Variants in HFM1 observed in about 807,000 individuals in gnomAD.
HFM1 encodes helicase for meiosis 1.
Under a neutral mutation model 192.1 loss-of-function variants are expected in HFM1, and 169 were observed. The ratio of observed to expected loss-of-function variants is 0.88; its 90% CI spans 0.78 to 1.00. HFM1 has a LOEUF of 1.00. HFM1 is among the 50% of genes least tolerant of loss of function. The pLI is 0.00. For missense variants in HFM1, 1,661 were observed against 1,668.0 expected (o/e 1.00, Z 0.07); for synonymous variants, 525 against 537.8 (o/e 0.98, Z 0.33).
At chr1:91,281,630 A>C (rs1325017501) in intron 30 of HFM1, among the ~76,000 whole-genome samples, 1 of 152,188 alleles carries the variant, frequency 6.6e-6, no homozygotes, top group Non-Finnish European at 1.5e-5. Context: ...TGAATCTTTG[A>C]ATGTATTAAG....
chr1:91,297,978 T>C (rs1350129645), intron 30 of HFM1, among the ~76,000 whole-genome samples: 1 of 151,902 alleles, frequency 6.6e-6, no homozygotes, highest in Admixed American at 6.6e-5. Flanking sequence ...CTTCAGATGA[T>C]CCAACTACTC....
chr1:91,372,676 T>A (rs1660387897), intron 13 of HFM1, among the ~76,000 whole-genome samples: 2 of 152,136 alleles, frequency 1.3e-5, no homozygotes. Flanking sequence ...ACACCACATG[T>A]ATACATATGT....
chr1:91,365,514 G>A (rs1223619857), intron 13 of HFM1, among the ~76,000 whole-genome samples: 1 of 152,080 alleles, frequency 6.6e-6, no homozygotes, highest in Non-Finnish European at 1.5e-5. Context: ...AAAACTAGGT[G>A]AAAAGACAAG....
rs773897910 is a variant in HFM1 at position 91,401,021 on chromosome 1, T to C, written c.62A>G (p.Glu21Gly). 5.9e-6 allele frequency: 9 copies of C among 1,514,790 alleles called. No individual in the cohort carries two copies. The highest frequency in any genetic ancestry group is 1.7e-4 in the Middle Eastern group (1 of 5,794). The allele number at this position is 1,514,790 out of a possible 1,614,324, so 93.8% of individuals were successfully genotyped here. A position where few individuals can be genotyped will look rare whatever the true frequency, so the allele number is the denominator to read the frequency against. ...LENLFFEKPD[E>G]VENHPDNEKS... ...TTTAAGGGAGACTTACTTTTCAACT[T>C]CATCTGGTTTTTCAAAAAACAAATT... The change falls in exon 2 of 39, where the codon GAA (glutamate) becomes GGA (glycine). Residue 21 changes from glutamate (E) to glycine (G), a missense_variant. Coordinates refer to ENST00000370425, the MANE Select transcript of HFM1 (RefSeq NM_001017975.6).
intron 32 of HFM1, among the ~76,000 whole-genome samples, chr1:91,275,621 G>T (rs1219122951): frequency 2.0e-5 from 3 of 152,120 alleles, no homozygotes; most frequent in African/African-American, 7.2e-5. Context: ...AGAAACCTGG[G>T]CATCATTTTT....
intron 13 of HFM1, among the ~76,000 whole-genome samples, chr1:91,354,106 T>C (rs1168416089): frequency 6.6e-6 from 1 of 151,380 alleles, no homozygotes; most frequent in Non-Finnish European, 1.5e-5. Context: ...GTCAATGAAA[T>C]CAGGAAAACA....
rs999348454 is a variant in HFM1, at chr1:91,309,611, T to C, written c.3391+3738A>G. ...AATTTTATGATCATATTAAGAGTGATAGTCTGATGCTGCTATTCTCAGACT... is the reference window on the plus strand; with the variant it reads ...AATTTTATGATCATATTAAGAGTGACAGTCTGATGCTGCTATTCTCAGACT... On this transcript the variant is annotated intron_variant, in intron 30 of 38. Transcript: ENST00000370425. 2.4e-4 allele frequency among the ~76,000 whole-genome samples: 37 copies of C among 152,198 alleles called. 1 individual carries two copies. Among genetic ancestry groups the C allele is most frequent in the African/African-American group, 8.7e-4 (36 of 41,464 alleles).
rs534664264 is a variant in HFM1 at position 91,385,530 on chromosome 1, G to T, written c.754+45C>A. On this transcript the variant is annotated intron_variant, in intron 5 of 38. Transcript: ENST00000370425. ...ATTTTCCCCCATGCTAAGAAATGTG[G>T]TTTAGTCTGTACTCATAAAATGAAC... 7.0e-5 allele frequency: 104 copies of T among 1,485,026 alleles called. No individual in the cohort carries two copies. In the African/African-American group the frequency reaches 1.4e-3, roughly 20 times the overall value. The allele number at this position is 1,485,026 out of a possible 1,614,324, so 92.0% of individuals were successfully genotyped here. A position where few individuals can be genotyped will look rare whatever the true frequency, so the allele number is the denominator to read the frequency against.
intron 20 of HFM1, among the ~76,000 whole-genome samples, chr1:91,331,393 T>A (rs901289488): frequency 1.3e-5 from 2 of 151,982 alleles, no homozygotes; most frequent in African/African-American, 4.8e-5. Context: ...AAATTAAATA[T>A]CTAGAAAGTA....
rs1652607947 is a variant in HFM1 at position 91,324,619 on chromosome 1, A to C, written c.2427+56T>G. On this transcript the variant is annotated intron_variant, in intron 21 of 38. Transcript: ENST00000370425. ...AGATACACAAATTAGTTGTTTCTCA[A>C]ATATTATTTTATACTATACCACTAT... is the stretch of plus-strand genomic sequence containing the variant. 3 of 800,180 alleles carry C rather than the reference A, an allele frequency of 3.7e-6. No homozygotes were observed. In the Admixed American group the frequency reaches 7.1e-5, roughly 19 times the overall value. The allele number at this position is 800,180 out of a possible 1,614,324, so 49.6% of individuals were successfully genotyped here.
intron 13 of HFM1, among the ~76,000 whole-genome samples, chr1:91,360,454 AT>A (rs1441014519): frequency 6.6e-6 from 1 of 152,250 alleles, no homozygotes; most frequent in Non-Finnish European, 1.5e-5. Flanking sequence ...AAAGAAGGGC[AT>A]TACATAATGG....
chr1:91,367,453 C>T (rs553583047), intron 13 of HFM1, among the ~76,000 whole-genome samples: 9 of 152,202 alleles, frequency 5.9e-5, no homozygotes, highest in East Asian at 1.9e-4. Flanking sequence ...CACCAATATC[C>T]GCTGTTCTGC....
At chr1:91,299,697 C>T (rs1406947357) in intron 30 of HFM1, among the ~76,000 whole-genome samples, 1 of 152,026 alleles carries the variant, frequency 6.6e-6, no homozygotes, top group Non-Finnish European at 1.5e-5. Context: ...GGGTACATAA[C>T]GAAATGAAGG....
chr1:91,361,401 A>G lies in HFM1; in HGVS notation c.1686-8102T>C, dbSNP rs181144960. 1.4e-4 allele frequency among the ~76,000 whole-genome samples: 21 copies of G among 152,256 alleles called. No homozygotes were observed. The East Asian group carries it at 4.0e-3, about 29-fold the overall frequency. Reference sequence around the variant, plus strand: ...CACTGACCCCATAGAAATACAAACAACCATCAGAGAATACTGTAAAGACCT... The same window carrying G: ...CACTGACCCCATAGAAATACAAACAGCCATCAGAGAATACTGTAAAGACCT... On this transcript the variant is annotated intron_variant, in intron 13 of 38. Coordinates refer to ENST00000370425, the MANE Select transcript of HFM1 (RefSeq NM_001017975.6).
intron 20 of HFM1, among the ~76,000 whole-genome samples, chr1:91,336,614 T>A (rs1654605698): frequency 6.6e-6 from 1 of 152,186 alleles, no homozygotes; most frequent in South Asian, 2.1e-4. Flanking sequence ...TTAAAAGGAA[T>A]GCTTCTACAC....
chr1:91,380,927 G>T lies in HFM1; in HGVS notation c.858C>A (p.Ser286=). 1 of 1,452,646 alleles carries T rather than the reference G, an allele frequency of 6.9e-7. No homozygotes were observed. Among genetic ancestry groups the T allele is most frequent in the Non-Finnish European group, 9.6e-7 (1 of 1,036,450 alleles). The allele number at this position is 1,452,646 out of a possible 1,614,324, so 90.0% of individuals were successfully genotyped here. A position where few individuals can be genotyped will look rare whatever the true frequency, so the allele number is the denominator to read the frequency against. ...AAATACTTACATCATCAAAGGCCTT[G>T]GACTGTATATAGTTGAAATATGGAA... ...KEFPYFNYIQ[S]KAFDDLLYTD... The change falls in exon 7 of 39, where the codon TCC becomes TCA. Residue 286 remains serine, a synonymous_variant. Transcript: ENST00000370425.
intron 13 of HFM1, among the ~76,000 whole-genome samples, chr1:91,367,462 G>T (rs1466303748): frequency 6.6e-6 from 1 of 152,120 alleles, no homozygotes; most frequent in African/African-American, 2.4e-5. Flanking sequence ...CCGCTGTTCT[G>T]CAGCCACCGC....
At chr1:91,277,631 A>T (rs1349372417) in intron 30 of HFM1, among the ~76,000 whole-genome samples, 6 of 128,114 alleles carry the variant, frequency 4.7e-5, no homozygotes, top group Non-Finnish European at 9.4e-5. Flanking sequence ...TAATATATAT[A>T]ATATATACTA....
At chr1:91,308,807 C>A (rs1351851534) in intron 30 of HFM1, among the ~76,000 whole-genome samples, 2 of 152,178 alleles carry the variant, frequency 1.3e-5, no homozygotes, top group Non-Finnish European at 2.9e-5. Context: ...TTCCAGATTA[C>A]ATTTCACCAG....
Sources: gnomAD v4.1 joint callset for allele counts (sites outside exome capture counted in the v4.1 genomes callset) on GRCh38, gnomAD v4.1.1 for gene constraint, MANE v1.5 for transcripts, NCBI Gene and HGNC (gene_info 2026-07-23, HGNC 2026-07-21) for gene names.